The following PTOV1 variants were observed in gnomAD, a reference collection of about 807,000 sequenced individuals.
PTOV1 encodes PTOV1 extended AT-hook containing adaptor protein, also known as prostate tumor-overexpressed gene 1 protein.
PTOV1 carries 20 observed loss-of-function variants against 58.0 expected under a neutral mutation model. The ratio of observed to expected loss-of-function variants is 0.34; its 90% CI spans 0.24 to 0.50. The LOEUF is 0.50. Ranked by LOEUF, PTOV1 falls within the 20% of genes least tolerant of loss-of-function variation. The pLI, the probability that PTOV1 is intolerant of heterozygous loss-of-function variation, is 0.98. For synonymous variants in PTOV1, 335 were observed against 234.2 expected (o/e 1.43, Z -3.93); for missense variants, 593 against 565.4 (o/e 1.05, Z -0.50).
chr19:49,851,765 T>G (rs926274839), intron 1 of PTOV1: 54 of 1,085,108 alleles, frequency 5.0e-5, no homozygotes, highest in Non-Finnish European at 5.9e-5. Context: ...GCGGCCCGAT[T>G]TAAACGCGGG....
At chr19:49,859,743 AG>A (rs2074664033) in intron 10 of PTOV1, 1 of 557,940 alleles carries the variant, frequency 1.8e-6, no homozygotes, top group East Asian at 3.1e-5. Context: ...TGGCCTGCCC[AG>A]GAGCTCTGAA....
At chr19:49,856,833 A>G in intron 5 of PTOV1, 142 bp from the exon 6 acceptor site, 4 of 986,434 alleles carry the variant, frequency 4.1e-6, no homozygotes, top group Non-Finnish European at 5.9e-6. Flanking sequence ...GAGGCCCCTC[A>G]CCTATGGCCA....
chr19:49,855,216 T>G, intron 5 of PTOV1, 139 bp downstream of exon 5: 1 of 757,674 alleles, frequency 1.3e-6, no homozygotes, highest in South Asian at 1.6e-5. Flanking sequence ...GGACCCCATC[T>G]GGAAATGACT....
intron 1 of PTOV1, 79 bp downstream of exon 1, chr19:49,851,578 G>A (rs1217762939): frequency 3.9e-6 from 4 of 1,012,882 alleles, no homozygotes; most frequent in Non-Finnish European, 4.9e-6. Context: ...GCCTTTGTCC[G>A]CAGCCCCCGC....
chr19:49,853,431 G>A (rs370191924), intron 1 of PTOV1, among the ~76,000 whole-genome samples: 5 of 151,256 alleles, frequency 3.3e-5, no homozygotes, highest in East Asian at 1.9e-4. Context: ...CGAGGCGGGC[G>A]GATCACTTGA....
chr19:49,857,183 T>A, intron 6 of PTOV1, 53 bp downstream of exon 6: 1 of 1,600,822 alleles, frequency 6.2e-7, no homozygotes, highest in East Asian at 2.2e-5. Context: ...TAGACCCCAC[T>A]GCCCTGGTTG....
upstream of PTOV1, chr19:49,850,710 G>T (rs1475802558): frequency 2.7e-6 from 2 of 741,182 alleles, no homozygotes; most frequent in Non-Finnish European, 4.1e-6. Context: ...TGCCCACCTC[G>T]CCACGTCACC....
At chr19:49,851,487 G>A (rs1446779988) in exon 1 of PTOV1, 33 of 1,219,814 alleles carry the variant, frequency 2.7e-5, no homozygotes, top group Non-Finnish European at 3.1e-5. Flanking sequence ...GGGCCCGCTC[G>A]GCCCCTCCCA....
At chr19:49,859,526 C>G (rs2074648215) in intron 10 of PTOV1, among the ~76,000 whole-genome samples, 1 of 151,378 alleles carries the variant, frequency 6.6e-6, no homozygotes, top group Admixed American at 6.6e-5. Context: ...GAGCTGAGAT[C>G]ATGCCATTGT....
Position 49,860,399 on chromosome 19 carries a change from G to A in PTOV1, c.*120G>A, listed in dbSNP as rs546321133. 144 of 517,954 alleles carry A rather than the reference G, an allele frequency of 2.8e-4. 3 individuals carry two copies. Among genetic ancestry groups the A allele is most frequent in the African/African-American group, 2.5e-3 (131 of 51,444 alleles). 32.1% of individuals were successfully genotyped at this position (517,954 alleles called of 1,614,324 possible). A position where few individuals can be genotyped will look rare whatever the true frequency, so the allele number is the denominator to read the frequency against. On this transcript the variant is annotated 3_prime_UTR_variant, in exon 12 of 12. Transcript: ENST00000391842. ...GGGCATGTGGGGGGGGTGGGGTTGG[G>A]AAAGAAGCAGGGCGACCTTGGCCTT...
At chr19:49,855,057 C>T (rs749014490) in exon 5 of PTOV1, 52 of 1,596,200 alleles carry the variant, frequency 3.3e-5, no homozygotes, top group Middle Eastern at 1.7e-4. Context: ...GGGGCTCTGC[C>T]GCATCATGGG....
chr19:49,854,333 G>A, intron 1 of PTOV1, 73 bp from the exon 2 acceptor site: 1 of 1,539,130 alleles, frequency 6.5e-7, no homozygotes, highest in Non-Finnish European at 8.8e-7. Flanking sequence ...CGTCCCCTCT[G>A]GGGTGTGTGG....
At chr19:49,858,726 A>C in intron 10 of PTOV1, 73 bp downstream of exon 10, 1 of 1,279,268 alleles carries the variant, frequency 7.8e-7, no homozygotes, top group Non-Finnish European at 1.1e-6. Context: ...ACGGGGGCGG[A>C]CATGGGAGAG....
exon 12 of PTOV1, chr19:49,860,441 A>T (rs1237239158): frequency 9.0e-7 from 1 of 1,109,282 alleles, no homozygotes; most frequent in Non-Finnish European, 1.3e-6. Context: ...AGCAGAGCAG[A>T]GGGAGAGGCA....
At chr19:49,852,114 C>T (rs113872128) in intron 1 of PTOV1, 172 of 975,324 alleles carry the variant, frequency 1.8e-4, no homozygotes, top group Non-Finnish European at 2.0e-4. Flanking sequence ...GATGCACATG[C>T]TTTTCAGAAA....
intron 5 of PTOV1, chr19:49,855,673 G>A (rs1465237300): frequency 6.3e-6 from 1 of 157,738 alleles, no homozygotes; most frequent in Non-Finnish European, 1.4e-5. Context: ...AGGGATCTGA[G>A]AGCGGCTTCC....
exon 12 of PTOV1, chr19:49,860,557 T>TG (rs1315237403): frequency 1.0e-5 from 6 of 580,636 alleles, no homozygotes; most frequent in Middle Eastern, 4.5e-4. Context: ...CACAGGGATG[T>TG]GGGGTCAGTG....
Position 49,854,893 on chromosome 19 carries a change from G to GGGGC in PTOV1, c.450+5_450+6insGGGC. The GGGGC allele has an allele frequency of 8.1e-6, 13 of 1,603,290 alleles. No homozygotes were observed. The highest frequency in any genetic ancestry group is 1.1e-5 in the Non-Finnish European group (13 of 1,173,092). On this transcript the variant is annotated splice_donor_region_variant and intron_variant, in intron 4 of 11. Coordinates refer to ENST00000391842, the Ensembl canonical transcript of PTOV1. Reference sequence around the variant, plus strand: ...CTGATCCCTCAGCAGCTGCTGGTGAGACCCGCCCCTCCCACCCCATCCACT... The same window carrying GGGGC: ...CTGATCCCTCAGCAGCTGCTGGTGAGGGGCACCCGCCCCTCCCACCCCATCCACT...
exon 11 of PTOV1, chr19:49,860,052 T>C: frequency 6.2e-7 from 1 of 1,614,174 alleles, no homozygotes; most frequent in South Asian, 1.1e-5. Context: ...CCTGTACTCT[T>C]CAGAGAAGAA....
Sources: allele counts gnomAD v4.1 joint callset (sites outside exome capture counted in the v4.1 genomes callset), GRCh38; gene constraint gnomAD v4.1.1; transcripts MANE v1.5; gene names NCBI Gene and HGNC (gene_info 2026-07-23, HGNC 2026-07-21).